Variants in ATP2B2 observed in about 807,000 individuals in gnomAD.
ATP2B2 encodes the protein plasma membrane calcium-transporting ATPase 2.
A neutral mutation model predicts 120.0 loss-of-function variants in ATP2B2; 15 were observed. The observed-to-expected ratio is 0.12, with a 90% CI of 0.08 to 0.19. The LOEUF (loss-of-function observed/expected upper bound fraction) is 0.19. Among genes scored for constraint, ATP2B2 ranks in the 10% least tolerant of loss-of-function variants. The pLI is 1.00. For missense variants in ATP2B2, 1,045 were observed against 1,719.8 expected (o/e 0.61, Z 6.94); for synonymous variants, 694 against 700.3 (o/e 0.99, Z 0.14).
At chr3:10,330,902 A>G (rs1299992936) in intron 22 of ATP2B2, among the ~76,000 whole-genome samples, 1 of 152,238 alleles carries the variant, frequency 6.6e-6, no homozygotes, top group Admixed American at 6.5e-5. Flanking sequence ...GAGTGCACAG[A>G]GAAGAATTTA....
intron 2 of ATP2B2, 52 bp from the exon 3 acceptor site, chr3:10,410,867 A>G: frequency 6.3e-7 from 1 of 1,583,378 alleles, no homozygotes; most frequent in Non-Finnish European, 8.6e-7. Context: ...AGATGCAGGC[A>G]TGTTCTGGGA....
chr3:10,603,063 GA>G (rs1163411240), intron 2 of ATP2B2, among the ~76,000 whole-genome samples: 1 of 152,216 alleles, frequency 6.6e-6, no homozygotes, highest in Non-Finnish European at 1.5e-5. Context: ...GCAGAAACCT[GA>G]ACTGGTGAGA....
At chr3:10,395,412 T>A (rs1159153786) in intron 5 of ATP2B2, among the ~76,000 whole-genome samples, 1 of 152,186 alleles carries the variant, frequency 6.6e-6, no homozygotes. Flanking sequence ...TTTCCTGAAT[T>A]GATGGCTGTG....
intron 2 of ATP2B2, among the ~76,000 whole-genome samples, chr3:10,415,161 T>C (rs2062738323): frequency 6.6e-6 from 1 of 152,230 alleles, no homozygotes; most frequent in South Asian, 2.1e-4. Flanking sequence ...GCTTCACCTC[T>C]CACTGCCTTC....
intron 2 of ATP2B2, among the ~76,000 whole-genome samples, chr3:10,566,094 T>A (rs1193352584): frequency 1.3e-5 from 2 of 152,170 alleles, no homozygotes; most frequent in Non-Finnish European, 2.9e-5. Context: ...TTCCACTGAT[T>A]TCTCCACCCA....
At chr3:10,663,851 T>C (rs1467684786) in intron 1 of ATP2B2, among the ~76,000 whole-genome samples, 5 of 152,144 alleles carry the variant, frequency 3.3e-5, no homozygotes, top group Non-Finnish European at 7.4e-5. Context: ...CCCATCTCTT[T>C]CAGAAGACTT....
intron 2 of ATP2B2, among the ~76,000 whole-genome samples, chr3:10,424,817 C>T (rs1362812345): frequency 6.6e-6 from 1 of 152,080 alleles, no homozygotes; most frequent in Non-Finnish European, 1.5e-5. Flanking sequence ...TTTTATTCCA[C>T]TTATGTAAAA....
intron 2 of ATP2B2, among the ~76,000 whole-genome samples, chr3:10,438,386 C>T (rs114276596): frequency 0.011 from 1,690 of 152,342 alleles, 20 homozygotes; most frequent in Non-Finnish European, 0.019. Context: ...GGCCGTTTCT[C>T]CTTCGTCCTA....
chr3:10,582,624 T>C (rs1396004281), intron 2 of ATP2B2, among the ~76,000 whole-genome samples: 2 of 151,830 alleles, frequency 1.3e-5, no homozygotes, highest in African/African-American at 4.8e-5. Context: ...TCAGAGAAGG[T>C]GATGTTTGAG....
intron 1 of ATP2B2, among the ~76,000 whole-genome samples, chr3:10,620,225 C>T (rs1472875782): frequency 3.3e-5 from 5 of 152,142 alleles, no homozygotes; most frequent in Non-Finnish European, 5.9e-5. Flanking sequence ...CTCAGTTGCG[C>T]CTCCTTCCTG....
chr3:10,582,509 G>T (rs1386768842), intron 2 of ATP2B2, among the ~76,000 whole-genome samples: 1 of 152,238 alleles, frequency 6.6e-6, no homozygotes, highest in Non-Finnish European at 1.5e-5. Flanking sequence ...CGAGATCATT[G>T]CAGAATTATA....
intron 3 of ATP2B2, among the ~76,000 whole-genome samples, chr3:10,523,695 T>G (rs966562789): frequency 2.6e-4 from 40 of 152,124 alleles, no homozygotes; most frequent in Non-Finnish European, 2.9e-5. Context: ...AAATGCCCCC[T>G]TGATGCTTCC....
At chr3:10,423,443 G>A (rs2063052860) in intron 2 of ATP2B2, among the ~76,000 whole-genome samples, 1 of 152,218 alleles carries the variant, frequency 6.6e-6, no homozygotes, top group African/African-American at 2.4e-5. Flanking sequence ...CACGAGGGAA[G>A]GGAACAACGG....
chr3:10,529,724 G>A (rs1212155307), intron 3 of ATP2B2, among the ~76,000 whole-genome samples: 1 of 152,164 alleles, frequency 6.6e-6, no homozygotes, highest in South Asian at 2.1e-4. Flanking sequence ...CAGAATGTGA[G>A]GTACAGATGG....
chr3:10,439,065 AAAGGGCC>A (rs778129092), intron 2 of ATP2B2, among the ~76,000 whole-genome samples: 2 of 152,234 alleles, frequency 1.3e-5, no homozygotes, highest in Middle Eastern at 3.2e-3. Flanking sequence ...GGCCTGGGGC[AAAGGGCC>A]AAGGGCCAAG....
At chr3:10,502,108 G>C (rs1033148775) in intron 1 of ATP2B2, among the ~76,000 whole-genome samples, 5 of 152,184 alleles carry the variant, frequency 3.3e-5, no homozygotes, top group African/African-American at 9.6e-5. Context: ...TCTGCACATA[G>C]CATAAGCCAC....
rs2068147311 is a variant in ATP2B2, at chr3:10,572,354, A to G, written c.-414-38221T>C. ...CTCCTAGAGTTCTAGGGAGGATTCAATAAAAACAATCCACATAAAATCCTT... is the reference window on the plus strand; with the variant it reads ...CTCCTAGAGTTCTAGGGAGGATTCAGTAAAAACAATCCACATAAAATCCTT... On this transcript the variant is annotated intron_variant, in intron 2 of 21. Transcript: ENST00000646379. Among the ~76,000 whole-genome samples, 4 of 152,240 alleles carry G rather than the reference A, an allele frequency of 2.6e-5. No homozygotes were observed. In the South Asian group the frequency reaches 6.2e-4, roughly 24 times the overall value.
At chr3:10,477,260 TC>T (rs2065239245) in intron 1 of ATP2B2, among the ~76,000 whole-genome samples, 2 of 152,324 alleles carry the variant, frequency 1.3e-5, no homozygotes, top group South Asian at 4.1e-4. Flanking sequence ...GAAAAATCAT[TC>T]CCTACTTCTA....
chr3:10,558,076 C>T (rs2067820424), intron 2 of ATP2B2, among the ~76,000 whole-genome samples: 1 of 152,224 alleles, frequency 6.6e-6, no homozygotes, highest in Admixed American at 6.5e-5. Flanking sequence ...GTGCTTCTGG[C>T]ATGTCCTCAG....
Sources: gnomAD v4.1 joint callset for allele counts (sites outside exome capture counted in the v4.1 genomes callset) on GRCh38, gnomAD v4.1.1 for gene constraint, MANE v1.5 for transcripts, NCBI Gene and HGNC (gene_info 2026-07-23, HGNC 2026-07-21) for gene names.